The following FNBP1L variants were observed in gnomAD, a reference collection of about 807,000 sequenced individuals.
FNBP1L encodes the protein formin binding protein 1 like.
Under a neutral mutation model 91.2 loss-of-function variants are expected in FNBP1L, and 36 were observed. The ratio of observed to expected loss-of-function variants is 0.39; its 90% CI spans 0.30 to 0.52. FNBP1L has a LOEUF of 0.52. FNBP1L is among the 20% of genes least tolerant of loss of function. The probability of loss-of-function intolerance (pLI) is 0.66; values close to 1 mark genes in which losing one functional copy is unlikely to be tolerated. For missense variants in FNBP1L, 571 were observed against 732.1 expected, an observed-to-expected ratio of 0.78 and a Z score of 2.54; for synonymous variants, 242 against 237.0, an observed-to-expected ratio of 1.02 and a Z score of -0.19.
At position 93,547,359 on chromosome 1, in the gene FNBP1L, G is replaced by C. The variant is rs868775105; in HGVS notation, c.1420G>C (p.Glu474Gln). 7 of 1,558,260 alleles carry C rather than the reference G, an allele frequency of 4.5e-6. No homozygotes were observed. The change falls in exon 14 of 17, where the codon GAA becomes CAA. Residue 474 changes from glutamate (E) to glutamine (Q), a missense_variant. Physicochemically the swap from Glu to Gln is conservative, Grantham distance 29 (BLOSUM62 2). Around this residue, in one of 5 missense-constraint regions of FNBP1L, gnomAD observed 189 missense variants for 219.7 expected, o/e 0.86. Coordinates refer to ENST00000271234, the MANE Select transcript of FNBP1L (RefSeq NM_001164473.3). ...EIHKNEAWLS[E>Q]VEGKTGGRGD... ...TTTTTTTCCTAAGGCTTGGCTCTCTGAAGTCGAAGGCAAAACAGGTGGGAG... is the reference window on the plus strand; with the variant it reads ...TTTTTTTCCTAAGGCTTGGCTCTCTCAAGTCGAAGGCAAAACAGGTGGGAG...
chr1:93,495,367 T>C (rs1182330635), intron 1 of FNBP1L, among the ~76,000 whole-genome samples: 2 of 152,210 alleles, frequency 1.3e-5, no homozygotes, highest in Non-Finnish European at 2.9e-5. Context: ...AGATTTATTC[T>C]TAACAGTAAA....
intron 1 of FNBP1L, among the ~76,000 whole-genome samples, chr1:93,490,425 CAG>C (rs1670054587): frequency 6.6e-6 from 1 of 152,010 alleles, no homozygotes; most frequent in South Asian, 2.1e-4. Context: ...CCAAAGGAAA[CAG>C]AAAATGAGCT....
Position 93,553,569 on chromosome 1 carries a change from G to T in FNBP1L, c.*1153G>T, listed in dbSNP as rs989749699. 1.3e-5 allele frequency: 2 copies of T among 152,558 alleles called. No individual in the cohort carries two copies. The highest frequency in any genetic ancestry group is 2.9e-5 in the Non-Finnish European group (2 of 68,034). The allele number at this position is 152,558 out of a possible 1,614,324, so 9.5% of individuals were successfully genotyped here. ...CTCCCCCAATTGTCTTTTTATTTTG[G>T]GTTATGACGATCATGTTTGATAATT... On this transcript the variant is annotated 3_prime_UTR_variant, in exon 17 of 17. Coordinates refer to ENST00000271234, the MANE Select transcript of FNBP1L (RefSeq NM_001164473.3).
At chr1:93,552,054 A>G (rs1473663297) in intron 16 of FNBP1L, 3 of 1,041,272 alleles carry the variant, frequency 2.9e-6, no homozygotes, top group Non-Finnish European at 3.5e-6. Context: ...TTAGAGGAAG[A>G]TATGTGTACC....
chr1:93,466,814 C>G (rs1669095947), intron 1 of FNBP1L, among the ~76,000 whole-genome samples: 1 of 152,090 alleles, frequency 6.6e-6, no homozygotes, highest in South Asian at 2.1e-4. Context: ...TTTCCTGATA[C>G]TGATTCTTCC....
At chr1:93,489,490 A>G (rs1020008888) in intron 1 of FNBP1L, among the ~76,000 whole-genome samples, 7 of 152,140 alleles carry the variant, frequency 4.6e-5, no homozygotes, top group Non-Finnish European at 7.4e-5. Flanking sequence ...AGTTATTGCT[A>G]TTGACAATGG....
intron 1 of FNBP1L, among the ~76,000 whole-genome samples, chr1:93,459,968 TGTGTGTGTG>T (rs1398443212): frequency 3.3e-5 from 5 of 150,030 alleles, no homozygotes; most frequent in African/African-American, 1.2e-4. Flanking sequence ...TGTGTGTGTG[TGTGTGTGTG>T]TTTTTGGGAT....
chr1:93,476,893 G>A (rs1256308969), intron 1 of FNBP1L, among the ~76,000 whole-genome samples: 2 of 152,110 alleles, frequency 1.3e-5, no homozygotes, highest in African/African-American at 4.8e-5. Flanking sequence ...ATATTAGTTC[G>A]TTTAATCCTT....
At position 93,530,865 on chromosome 1, in the gene FNBP1L, G is replaced by T; in HGVS notation, c.621G>T (p.Val207=). The stretch of plus-strand genomic sequence containing the variant: ...AACAACATAAACATTTTTATGTAGT[G>T]ATTCCTCAGATTTACAAGGTAAATC... ...NGEQHKHFYV[V]IPQIYKQLQE... The change falls in exon 7 of 17, where the codon GTG becomes GTT. Residue 207 remains valine (V), a synonymous_variant. Transcript: ENST00000271234. The T allele has an allele frequency of 1.3e-6, 2 of 1,538,710 alleles. No homozygotes were observed. The highest frequency in any genetic ancestry group is 2.4e-5 in the South Asian group (2 of 81,988).
intron 1 of FNBP1L, among the ~76,000 whole-genome samples, chr1:93,463,703 G>A (rs1022536394): frequency 2.6e-5 from 4 of 152,092 alleles, no homozygotes; most frequent in African/African-American, 9.7e-5. Context: ...CCATATCCCT[G>A]TGGGAAACAA....
At chr1:93,474,952 A>G (rs1297799581) in intron 1 of FNBP1L, among the ~76,000 whole-genome samples, 1 of 152,242 alleles carries the variant, frequency 6.6e-6, no homozygotes, top group Admixed American at 6.5e-5. Context: ...CTGGAGAAAT[A>G]AAAGTGATAA....
At chr1:93,514,675 C>T (rs1418257385) in intron 2 of FNBP1L, among the ~76,000 whole-genome samples, 2 of 152,050 alleles carry the variant, frequency 1.3e-5, no homozygotes, top group African/African-American at 2.4e-5. Context: ...GGAAAGGATT[C>T]CCTATTTAAT....
intron 1 of FNBP1L, among the ~76,000 whole-genome samples, chr1:93,463,548 A>G (rs1392857880): frequency 6.6e-6 from 1 of 152,130 alleles, no homozygotes; most frequent in Non-Finnish European, 1.5e-5. Context: ...ATGCCTCCAA[A>G]TCTAATCCAT....
intron 1 of FNBP1L, among the ~76,000 whole-genome samples, chr1:93,468,533 C>T (rs1479329626): frequency 1.3e-5 from 2 of 152,180 alleles, no homozygotes; most frequent in South Asian, 2.1e-4. Flanking sequence ...TGGGTTCAAG[C>T]GATCCTCCCA....
At chr1:93,480,043 A>G (rs776818139) in intron 1 of FNBP1L, among the ~76,000 whole-genome samples, 1 of 152,198 alleles carries the variant, frequency 6.6e-6, no homozygotes, top group Non-Finnish European at 1.5e-5. Context: ...AGAAATTATG[A>G]GAGTATTATT....
At chr1:93,456,391 A>G (rs756080704) in intron 1 of FNBP1L, among the ~76,000 whole-genome samples, 12 of 152,092 alleles carry the variant, frequency 7.9e-5, no homozygotes, top group Non-Finnish European at 1.6e-4. Flanking sequence ...AGATTTTTCT[A>G]TTTTTGGTAC....
At position 93,448,147 on chromosome 1, in the gene FNBP1L, C is replaced by T; in HGVS notation, c.-135C>T. ...GCGTCTTTCTCACTCACTGGGGAGC[C>T]CGGCGGTGGCGGCACCTTTCGAGGT... is the stretch of plus-strand genomic sequence containing the variant. On this transcript the variant is annotated 5_prime_UTR_variant, in exon 1 of 17. Transcript: ENST00000271234. 3.5e-6 allele frequency: 4 copies of T among 1,139,658 alleles called. No individual in the cohort carries two copies. The highest frequency in any genetic ancestry group is 3.3e-5 in the African/African-American group (2 of 60,758). The allele number at this position is 1,139,658 out of a possible 1,614,324, so 70.6% of individuals were successfully genotyped here. A position where few individuals can be genotyped will look rare whatever the true frequency, so the allele number is the denominator to read the frequency against.
intron 2 of FNBP1L, among the ~76,000 whole-genome samples, chr1:93,500,252 A>G (rs1670402713): frequency 6.6e-6 from 1 of 152,200 alleles, no homozygotes; most frequent in Non-Finnish European, 1.5e-5. Flanking sequence ...ACAGGCATAC[A>G]TGACTACAAA....
At chr1:93,519,311 C>G (rs1671238650) in intron 2 of FNBP1L, among the ~76,000 whole-genome samples, 1 of 152,162 alleles carries the variant, frequency 6.6e-6, no homozygotes, top group African/African-American at 2.4e-5. Context: ...ACTTACAGTT[C>G]TTAAATGCTC....
Sources: allele counts gnomAD v4.1 joint callset (sites outside exome capture counted in the v4.1 genomes callset), GRCh38; gene constraint gnomAD v4.1.1; regional missense constraint gnomAD v4.1.1; transcripts MANE v1.5; gene names NCBI Gene and HGNC (gene_info 2026-07-23, HGNC 2026-07-21).